Variants in PIAS2 observed in about 807,000 individuals in gnomAD.
PIAS2 encodes the protein protein inhibitor of activated STAT 2, also known as E3 SUMO-protein ligase PIAS2.
In PIAS2, 19 loss-of-function variants were observed where a neutral mutation model predicts 69.7. The observed-to-expected ratio is 0.27, with a 90% CI of 0.19 to 0.40. The LOEUF is 0.40. Ranked by LOEUF, PIAS2 falls within the 10% of genes least tolerant of loss-of-function variation. The pLI is 1.00. For missense variants in PIAS2, 624 were observed against 757.0 expected, an observed-to-expected ratio of 0.82 and a Z score of 2.06; for synonymous variants, 261 against 263.2, an observed-to-expected ratio of 0.99 and a Z score of 0.08.
At chr18:46,918,590 G>T (rs2058280611), upstream of PIAS2, among the ~76,000 whole-genome samples, 1 of 152,050 alleles carries the variant, frequency 6.6e-6, no homozygotes, top group South Asian at 2.1e-4. Context: ...GAGTAGCTGC[G>T]ATTGTATTTT....
intron 2 of PIAS2, among the ~76,000 whole-genome samples, chr18:46,889,383 T>A (rs563460087): frequency 6.6e-6 from 1 of 152,120 alleles, no homozygotes; most frequent in South Asian, 2.1e-4. Flanking sequence ...CTCCTAAAAC[T>A]CAACAACAAT....
At chr18:46,836,889 T>C (rs2145106089) in intron 8 of PIAS2, among the ~76,000 whole-genome samples, 1 of 152,254 alleles carries the variant, frequency 6.6e-6, no homozygotes, top group African/African-American at 2.4e-5. Flanking sequence ...AAAGAAATAT[T>C]TTCCCAGGAA....
chr18:46,817,527 G>GTAA, intron 12 of PIAS2: 1 of 937,674 alleles, frequency 1.1e-6, no homozygotes, highest in Non-Finnish European at 1.3e-6. Flanking sequence ...CATGTGTGTG[G>GTAA]TAAATATAAA....
intron 2 of PIAS2, among the ~76,000 whole-genome samples, chr18:46,872,113 G>A (rs1244358380): frequency 1.3e-5 from 2 of 152,158 alleles, no homozygotes; most frequent in Non-Finnish European, 2.9e-5. Context: ...TAAGCGCCTT[G>A]AACACTGTAT....
chr18:46,849,187 T>TA (rs1313018451), intron 5 of PIAS2, among the ~76,000 whole-genome samples: 13 of 150,104 alleles, frequency 8.7e-5, no homozygotes, highest in Admixed American at 8.5e-4. Context: ...AACACTCATG[T>TA]AAGAATGAAG....
intron 1 of PIAS2, 138 bp downstream of exon 1, chr18:46,917,184 G>C (rs2058062721): frequency 1.7e-6 from 2 of 1,167,234 alleles, no homozygotes; most frequent in South Asian, 6.3e-5. Flanking sequence ...CTCGGCGCCC[G>C]TTCGTCCGCG....
At position 46,917,332 on chromosome 18, in the gene PIAS2, T is replaced by A; in HGVS notation, c.14A>T (p.Glu5Val). The change falls in exon 1 of 14, where the codon GAA becomes GTA. Residue 5 changes from glutamate (E) to valine (V), a missense_variant. Glu to Val is a moderately radical substitution (Grantham distance 121). Transcript: ENST00000585916. The stretch of plus-strand genomic sequence containing the variant: ...TCCACTCCCGCTTACCCTCAACTCT[T>A]CGAAATCCGCCATTTTATACCACCC... MADFEELRNMVSSFR... is the reference protein window; with the variant it reads MADFVELRNMVSSFR... 6.8e-7 allele frequency: 1 copy of A among 1,477,432 alleles called. No individual in the cohort carries two copies. The highest frequency in any genetic ancestry group is 1.5e-5 in the African/African-American group (1 of 67,452). 91.5% of individuals were successfully genotyped at this position (1,477,432 alleles called of 1,614,324 possible).
intron 1 of PIAS2, chr18:46,904,244 G>A (rs2056286238): frequency 1.3e-5 from 2 of 152,094 alleles, no homozygotes; most frequent in African/African-American, 2.4e-5. Context: ...GAATGTCTCT[G>A]TATTATTTCC....
At chr18:46,814,003 T>G (rs2041247748) in intron 13 of PIAS2, among the ~76,000 whole-genome samples, 1 of 152,154 alleles carries the variant, frequency 6.6e-6, no homozygotes, top group Non-Finnish European at 1.5e-5. Flanking sequence ...AACTTACATT[T>G]TATTCCTGCT....
chr18:46,874,784 T>C (rs915816567), intron 2 of PIAS2, among the ~76,000 whole-genome samples: 1 of 152,140 alleles, frequency 6.6e-6, no homozygotes, highest in Non-Finnish European at 1.5e-5. Context: ...AAAGGCCTTT[T>C]AGCAGAGACA....
At chr18:46,872,831 AC>A (rs1263004399) in intron 2 of PIAS2, among the ~76,000 whole-genome samples, 1 of 152,220 alleles carries the variant, frequency 6.6e-6, no homozygotes, top group Non-Finnish European at 1.5e-5. Context: ...CCTGAAGCTC[AC>A]CCAGGAAAAG....
At chr18:46,917,192 G>C in intron 1 of PIAS2, 130 bp downstream of exon 1, 1 of 1,193,356 alleles carries the variant, frequency 8.4e-7, no homozygotes, top group Non-Finnish European at 1.1e-6. Flanking sequence ...CCGTTCGTCC[G>C]CGGGCCGGGG....
upstream of PIAS2, chr18:46,918,073 G>C (rs1400616956): frequency 6.6e-6 from 1 of 152,110 alleles, no homozygotes; most frequent in East Asian, 1.9e-4. Flanking sequence ...GTTAGGCGGT[G>C]GGGTTGGGGG....
At chr18:46,879,496 T>A (rs1213586952) in intron 2 of PIAS2, among the ~76,000 whole-genome samples, 1 of 152,188 alleles carries the variant, frequency 6.6e-6, no homozygotes, top group Non-Finnish European at 1.5e-5. Flanking sequence ...GAAAACAGTT[T>A]AGTGGTTCCT....
At chr18:46,831,587 A>C (rs1247436742) in intron 9 of PIAS2, among the ~76,000 whole-genome samples, 1 of 152,216 alleles carries the variant, frequency 6.6e-6, no homozygotes, top group Non-Finnish European at 1.5e-5. Flanking sequence ...ACACTACCTG[A>C]CTTCCAGCAA....
intron 2 of PIAS2, among the ~76,000 whole-genome samples, chr18:46,864,781 A>AG (rs1000608723): frequency 1.3e-5 from 2 of 151,952 alleles, no homozygotes; most frequent in Non-Finnish European, 2.9e-5. Context: ...AAAAAAAAAA[A>AG]AAATACTAAT....
At chr18:46,850,045 T>G (rs1454986628) in intron 5 of PIAS2, among the ~76,000 whole-genome samples, 1 of 152,178 alleles carries the variant, frequency 6.6e-6, no homozygotes, top group Non-Finnish European at 1.5e-5. Flanking sequence ...TCGATTCAGA[T>G]CTCCCAGGTG....
chr18:46,844,504 G>A (rs1205236932), intron 7 of PIAS2, among the ~76,000 whole-genome samples: 2 of 151,938 alleles, frequency 1.3e-5, no homozygotes, highest in African/African-American at 4.8e-5. Context: ...TATTAAATTT[G>A]TAAACAGAAA....
intron 12 of PIAS2, chr18:46,816,537 G>T: frequency 4.3e-6 from 3 of 693,108 alleles, no homozygotes; most frequent in Non-Finnish European, 5.3e-6. Flanking sequence ...GAGTGCAGAG[G>T]CACAATCATA....
Sources: gnomAD v4.1 joint callset for allele counts (sites outside exome capture counted in the v4.1 genomes callset) on GRCh38, gnomAD v4.1.1 for gene constraint, MANE v1.5 for transcripts, NCBI Gene and HGNC (gene_info 2026-07-23, HGNC 2026-07-21) for gene names.